ZNF618: variants seen among roughly 807,000 people sequenced by gnomAD.
ZNF618 encodes the protein neural precursor cell expressed, developmentally down-regulated 10.
Under a neutral mutation model 103.0 loss-of-function variants are expected in ZNF618, and 34 were observed. The observed-to-expected ratio is 0.33, with a 90% CI of 0.25 to 0.44. The LOEUF is 0.44. ZNF618 is among the 20% of genes least tolerant of loss of function. The pLI is 1.00. For missense variants in ZNF618, 1,059 were observed against 1,295.4 expected (o/e 0.82, Z 2.80); for synonymous variants, 551 against 542.2 (o/e 1.02, Z -0.23).
At chr9:113,897,926 G>T (rs1321366667) in intron 1 of ZNF618, among the ~76,000 whole-genome samples, 3 of 152,120 alleles carry the variant, frequency 2.0e-5, no homozygotes, top group Non-Finnish European at 4.4e-5. Flanking sequence ...CCGAGTAGCT[G>T]GGATTACAGG....
At chr9:114,010,199 G>A (rs971596358) in intron 9 of ZNF618, among the ~76,000 whole-genome samples, 1 of 151,768 alleles carries the variant, frequency 6.6e-6, no homozygotes, top group African/African-American at 2.4e-5. Context: ...TACTTGGGAT[G>A]CTGAGGCAGG....
intron 9 of ZNF618, among the ~76,000 whole-genome samples, chr9:114,011,773 A>T (rs1175657701): frequency 1.3e-5 from 2 of 152,226 alleles, no homozygotes; most frequent in Non-Finnish European, 2.9e-5. Flanking sequence ...AGAATTAGGT[A>T]CTTAGGTTGG....
chr9:113,965,998 A>G lies in ZNF618; in HGVS notation c.34-3119A>G, dbSNP rs59302609. 2.6e-5 allele frequency among the ~76,000 whole-genome samples: 4 copies of G among 152,290 alleles called. No homozygotes were observed. In the East Asian group the frequency reaches 7.7e-4, roughly 29 times the overall value. On this transcript the variant is annotated intron_variant, in intron 1 of 14. Coordinates refer to ENST00000374126, the MANE Select transcript of ZNF618 (RefSeq NM_001318042.2). The stretch of plus-strand genomic sequence containing the variant: ...GGGAAGGCCTTGAGGCAGAAGACCC[A>G]TGGTCCACCCCAGGCTGGCTCTGCG...
intron 3 of ZNF618, among the ~76,000 whole-genome samples, chr9:113,988,830 C>G (rs1486524349): frequency 6.6e-6 from 1 of 152,212 alleles, no homozygotes; most frequent in Non-Finnish European, 1.5e-5. Flanking sequence ...CTGTTTAAGT[C>G]AAATGCCTGG....
chr9:114,000,684 C>T (rs1160047809), intron 4 of ZNF618, among the ~76,000 whole-genome samples: 1 of 152,156 alleles, frequency 6.6e-6, no homozygotes, highest in Non-Finnish European at 1.5e-5. Context: ...ACTCAGGAAA[C>T]GGGCCTCTGC....
At chr9:114,019,198 C>G (rs1022396071) in intron 10 of ZNF618, among the ~76,000 whole-genome samples, 7 of 152,142 alleles carry the variant, frequency 4.6e-5, no homozygotes, top group Admixed American at 3.3e-4. Context: ...TTCTTTTTTA[C>G]TTCTGAGCAA....
At chr9:114,006,349 T>G (rs1420624578) in intron 6 of ZNF618, among the ~76,000 whole-genome samples, 1 of 152,116 alleles carries the variant, frequency 6.6e-6, no homozygotes, top group Non-Finnish European at 1.5e-5. Flanking sequence ...TCCCTTCCCC[T>G]CCCCACACCG....
intron 13 of ZNF618, among the ~76,000 whole-genome samples, chr9:114,042,960 G>T (rs1215283792): frequency 2.0e-5 from 3 of 152,168 alleles, no homozygotes; most frequent in Non-Finnish European, 4.4e-5. Context: ...GCCTTTAGTG[G>T]ATTTTATTAT....
At chr9:113,891,212 C>T (rs969855508) in intron 1 of ZNF618, among the ~76,000 whole-genome samples, 2 of 152,042 alleles carry the variant, frequency 1.3e-5, no homozygotes, top group Non-Finnish European at 2.9e-5. Context: ...AAAAGGCAAC[C>T]TACAGAATGG....
intron 12 of ZNF618, 150 bp from the exon 13 acceptor site, chr9:114,036,150 G>C: frequency 1.5e-6 from 1 of 667,726 alleles, no homozygotes; most frequent in Admixed American, 2.5e-5. Flanking sequence ...TGGGTCTAGT[G>C]ACGGGGGAGG....
At chr9:113,932,678 C>T (rs1471978314) in intron 1 of ZNF618, among the ~76,000 whole-genome samples, 1 of 152,088 alleles carries the variant, frequency 6.6e-6, no homozygotes, top group Non-Finnish European at 1.5e-5. Context: ...TGAGGCTAAC[C>T]CCAGTCTAGG....
intron 1 of ZNF618, among the ~76,000 whole-genome samples, chr9:113,951,538 C>CACATATATGTGTAT (rs1564207925): frequency 1.8e-5 from 1 of 54,324 alleles, no homozygotes; most frequent in Admixed American, 2.0e-4. Context: ...TATGTGTGTA[C>CACATATATGTGTAT]ATATGTACAC....
chr9:114,048,662 G>A lies in ZNF618; in HGVS notation c.1360G>A (p.Gly454Ser). 3 of 1,611,592 alleles carry A rather than the reference G, an allele frequency of 1.9e-6. No homozygotes were observed. Among genetic ancestry groups the A allele is most frequent in the African/African-American group, 1.3e-5 (1 of 74,996 alleles). The change falls in exon 15 of 15, where the codon GGT becomes AGT. Residue 454 changes from glycine (G) to serine (S), a missense_variant. By Grantham distance (56) the Gly-to-Ser change is moderately conservative. Coordinates refer to ENST00000374126, the MANE Select transcript of ZNF618 (RefSeq NM_001318042.2). ...GTGTCCTCTGCCAGCCACTACCAGT[G>A]GTTTAACACCCAACAGCATGATCCC... ...RNSANNTTTS[G>S]LTPNSMIPEK...
At chr9:113,880,450 G>A (rs1384782352) in intron 1 of ZNF618, among the ~76,000 whole-genome samples, 2 of 152,134 alleles carry the variant, frequency 1.3e-5, no homozygotes, top group Non-Finnish European at 2.9e-5. Context: ...AATTGGTTAT[G>A]GCTGCCTGGA....
intron 1 of ZNF618, among the ~76,000 whole-genome samples, chr9:113,930,739 T>G (rs1346014504): frequency 6.6e-6 from 1 of 152,226 alleles, no homozygotes; most frequent in Non-Finnish European, 1.5e-5. Flanking sequence ...GTGGTCTTTC[T>G]TTTGAATCAA....
At chr9:113,926,067 C>A (rs1266884089) in intron 1 of ZNF618, among the ~76,000 whole-genome samples, 9 of 151,944 alleles carry the variant, frequency 5.9e-5, no homozygotes, top group African/African-American at 2.2e-4. Flanking sequence ...CTTCTGGCAA[C>A]AAATTCCCTC....
chr9:113,949,696 C>T (rs898536181), intron 1 of ZNF618, among the ~76,000 whole-genome samples: 4 of 152,238 alleles, frequency 2.6e-5, no homozygotes, highest in East Asian at 1.9e-4. Context: ...CTCTGTCAGC[C>T]GCCACCACAC....
At position 114,051,284 on chromosome 9, in the gene ZNF618, T is replaced by A. The variant is rs1325332502; in HGVS notation, c.*1117T>A. On this transcript the variant is annotated 3_prime_UTR_variant, in exon 15 of 15. Transcript: ENST00000374126. ...TGGCCTTCCCTGTACAGTTCAGTTTTCACATATTCGAACGGCCAAGACCAG... is the reference window on the plus strand; with the variant it reads ...TGGCCTTCCCTGTACAGTTCAGTTTACACATATTCGAACGGCCAAGACCAG... 2.0e-5 allele frequency: 3 copies of A among 152,626 alleles called. No homozygotes were observed. Among genetic ancestry groups the A allele is most frequent in the Non-Finnish European group, 2.9e-5 (2 of 68,064 alleles). 9.5% of individuals were successfully genotyped at this position (152,626 alleles called of 1,614,324 possible).
In ZNF618 at chr9:113,969,139, G is replaced by A. The variant is rs746472178; in HGVS notation, c.56G>A (p.Gly19Glu). Reference sequence around the variant, plus strand: ...CAGGCTGACGGAGCCAGTGCAGCCGGAAGGAAAAGCACTGCGAGCAGGTAC... The same window carrying A: ...CAGGCTGACGGAGCCAGTGCAGCCGAAAGGAAAAGCACTGCGAGCAGGTAC... The part of the protein sequence containing the change: ...APQADGASAA[G>E]RKSTASRERL... Residue 19 changes from glycine (G) to glutamate (E), a missense_variant, in exon 2 of 15, where the codon GGA (glycine) becomes GAA (glutamate). Gly to Glu is a moderately conservative substitution (Grantham distance 98). This residue lies in a region of ZNF618 where 194 missense variants were observed against 209.0 expected (regional missense o/e 0.93). Transcript: ENST00000374126. 5 of 1,613,968 alleles carry A rather than the reference G, an allele frequency of 3.1e-6. No individual in the cohort carries two copies. In the Admixed American group the frequency reaches 6.7e-5, roughly 22 times the overall value.
Sources: gnomAD v4.1 joint callset for allele counts (sites outside exome capture counted in the v4.1 genomes callset) on GRCh38, gnomAD v4.1.1 for gene constraint, gnomAD v4.1.1 regional missense constraint, MANE v1.5 for transcripts, NCBI Gene and HGNC (gene_info 2026-07-23, HGNC 2026-07-21) for gene names.